The following UMAD1 variants were observed in gnomAD, a reference collection of about 807,000 sequenced individuals.
UMAD1 encodes the protein UBAP1-MVB12-associated (UMA) domain containing 1.
UMAD1 carries 8 observed loss-of-function variants against 6.1 expected under a neutral mutation model. The observed-to-expected ratio is 1.30, with a 90% CI of 0.76 to 2.35. The LOEUF (loss-of-function observed/expected upper bound fraction) is 2.35, where lower values mean the gene tolerates loss of function less well. Ranked by LOEUF, UMAD1 falls within the 30% of genes most tolerant of loss-of-function variation. The probability of loss-of-function intolerance (pLI) is 0.00; values close to 1 mark genes in which losing one functional copy is unlikely to be tolerated. For missense variants in UMAD1, 130 were observed against 78.4 expected (o/e 1.66, Z -2.49); for synonymous variants, 56 against 31.4 (o/e 1.78, Z -2.61).
At chr7:7,693,734 A>G (rs1392933989) in intron 2 of UMAD1, among the ~76,000 whole-genome samples, 1 of 152,094 alleles carries the variant, frequency 6.6e-6, no homozygotes, top group Non-Finnish European at 1.5e-5. Context: ...TATTATATGA[A>G]CGTGAAGTTT....
chr7:7,780,728 C>T (rs1782328212), intron 2 of UMAD1, among the ~76,000 whole-genome samples: 1 of 152,150 alleles, frequency 6.6e-6, no homozygotes, highest in Admixed American at 6.5e-5. Flanking sequence ...TGTACCTTTT[C>T]TGTGTCTCAC....
At chr7:7,786,338 G>A (rs1207987547) in intron 2 of UMAD1, among the ~76,000 whole-genome samples, 4 of 152,124 alleles carry the variant, frequency 2.6e-5, no homozygotes, top group African/African-American at 9.7e-5. Flanking sequence ...TGTCTGACAT[G>A]TTTTGCAATT....
intron 3 of UMAD1, among the ~76,000 whole-genome samples, chr7:7,865,505 GA>G (rs1287432552): frequency 1.3e-5 from 2 of 152,078 alleles, no homozygotes; most frequent in Admixed American, 6.5e-5. Flanking sequence ...GTTCCTTACA[GA>G]AAAAAATCCC....
intron 2 of UMAD1, among the ~76,000 whole-genome samples, chr7:7,708,971 G>C (rs1371906598): frequency 6.6e-6 from 1 of 151,940 alleles, no homozygotes; most frequent in Non-Finnish European, 1.5e-5. Context: ...GAGAAAGGGA[G>C]AGGAAGGGAG....
At chr7:7,656,082 G>A (rs1785335058) in intron 1 of UMAD1, among the ~76,000 whole-genome samples, 1 of 152,080 alleles carries the variant, frequency 6.6e-6, no homozygotes, top group African/African-American at 2.4e-5. Flanking sequence ...TGATCCGCCT[G>A]CCTCTGCCTC....
intron 2 of UMAD1, among the ~76,000 whole-genome samples, chr7:7,722,859 G>A (rs898007799): frequency 6.6e-6 from 1 of 152,178 alleles, no homozygotes. Context: ...CGTGTGGGAG[G>A]ACCCTGATGA....
chr7:7,672,253 C>T (rs1242176820), intron 1 of UMAD1, among the ~76,000 whole-genome samples: 1 of 152,122 alleles, frequency 6.6e-6, no homozygotes, highest in Non-Finnish European at 1.5e-5. Flanking sequence ...CCTATGTGTC[C>T]TTGCAAGTAC....
chr7:7,810,510 T>C (rs1783001309), intron 3 of UMAD1, among the ~76,000 whole-genome samples: 1 of 152,146 alleles, frequency 6.6e-6, no homozygotes, highest in Non-Finnish European at 1.5e-5. Flanking sequence ...TTTATAATTT[T>C]AGTTAAAAAT....
At chr7:7,684,484 C>T (rs1378375476) in intron 2 of UMAD1, among the ~76,000 whole-genome samples, 1 of 152,114 alleles carries the variant, frequency 6.6e-6, no homozygotes, top group African/African-American at 2.4e-5. Flanking sequence ...GTTGGGATTA[C>T]TGGCCTGAGC....
At position 7,877,697 on chromosome 7, in the gene UMAD1, G is replaced by A. The variant is rs972353066; in HGVS notation, c.*159G>A. 1 of 582,304 alleles carries A rather than the reference G, an allele frequency of 1.7e-6. No individual in the cohort carries two copies. Among genetic ancestry groups the A allele is most frequent in the South Asian group, 2.2e-5 (1 of 45,698 alleles). The allele number at this position is 582,304 out of a possible 1,614,324, so 36.1% of individuals were successfully genotyped here. A position where few individuals can be genotyped will look rare whatever the true frequency, so the allele number is the denominator to read the frequency against. On this transcript the variant is annotated 3_prime_UTR_variant, in exon 4 of 4. Coordinates refer to ENST00000682710, the MANE Select transcript of UMAD1 (RefSeq NM_001302348.2). ...TTCACTACTCTATTTTTAAGAAAAA[G>A]GTACATTTGTATACAAATTGAACTT...
intron 2 of UMAD1, among the ~76,000 whole-genome samples, chr7:7,739,424 A>G (rs762401603): frequency 6.6e-6 from 1 of 152,208 alleles, no homozygotes; most frequent in Non-Finnish European, 1.5e-5. Flanking sequence ...AAAATAAAAT[A>G]GTTTTGTTTT....
chr7:7,845,603 CAAAG>C (rs1783769082), intron 3 of UMAD1, among the ~76,000 whole-genome samples: 1 of 152,080 alleles, frequency 6.6e-6, no homozygotes. Flanking sequence ...CTCTTTAAAG[CAAAG>C]AGTCTCTCTA....
chr7:7,691,000 G>C (rs1185277082), intron 2 of UMAD1, among the ~76,000 whole-genome samples: 1 of 152,138 alleles, frequency 6.6e-6, no homozygotes, highest in Admixed American at 6.5e-5. Context: ...GGTCTCCAAA[G>C]TTACAGGACC....
intron 2 of UMAD1, among the ~76,000 whole-genome samples, chr7:7,681,421 A>G (rs1314751178): frequency 6.6e-6 from 1 of 152,168 alleles, no homozygotes; most frequent in East Asian, 1.9e-4. Flanking sequence ...GTTCATATAC[A>G]GTTAGCTCAC....
At chr7:7,776,722 ATTG>A (rs1354868958) in intron 2 of UMAD1, among the ~76,000 whole-genome samples, 1 of 152,244 alleles carries the variant, frequency 6.6e-6, no homozygotes, top group African/African-American at 2.4e-5. Flanking sequence ...TTAACATTGT[ATTG>A]TTGTAGACAG....
intron 3 of UMAD1, among the ~76,000 whole-genome samples, chr7:7,804,283 C>T (rs6944805): frequency 0.46 from 70,414 of 152,110 alleles, 17,009 homozygotes; most frequent in African/African-American, 0.6. Flanking sequence ...TAAAATACTT[C>T]TAGAGGCTAT....
At chr7:7,840,685 A>G (rs1783663318) in intron 3 of UMAD1, among the ~76,000 whole-genome samples, 1 of 152,144 alleles carries the variant, frequency 6.6e-6, no homozygotes. Context: ...TGTCATCATC[A>G]TTATTATTGA....
chr7:7,663,272 A>G (rs1785521481), intron 1 of UMAD1, among the ~76,000 whole-genome samples: 1 of 126,424 alleles, frequency 7.9e-6, no homozygotes, highest in Non-Finnish European at 1.7e-5. Flanking sequence ...CCTAAATCTA[A>G]GATAGTTTTT....
At chr7:7,730,455 A>G (rs17136804) in intron 2 of UMAD1, among the ~76,000 whole-genome samples, 19,989 of 151,930 alleles carry the variant, frequency 0.13, 1,519 homozygotes, top group African/African-American at 0.22. Flanking sequence ...ATTTTAAGCA[A>G]TTGATCTTGT....
Sources: allele counts gnomAD v4.1 joint callset (sites outside exome capture counted in the v4.1 genomes callset), GRCh38; gene constraint gnomAD v4.1.1; transcripts MANE v1.5; gene names NCBI Gene and HGNC (gene_info 2026-07-23, HGNC 2026-07-21).